DLG2: variants seen among roughly 807,000 people sequenced by gnomAD.
DLG2 encodes discs large MAGUK scaffold protein 2, also known as disks large homolog 2.
A neutral mutation model predicts 132.5 loss-of-function variants in DLG2; 45 were observed. That is an observed-to-expected ratio of 0.34 (90% CI 0.27 to 0.44). DLG2 has a LOEUF of 0.44. Ranked by LOEUF, DLG2 falls within the 20% of genes least tolerant of loss-of-function variation. DLG2 has a pLI of 1.00. For missense variants in DLG2, 1,045 were observed against 1,196.9 expected (o/e 0.87, Z 1.87); for synonymous variants, 424 against 419.6 (o/e 1.01, Z -0.13).
chr11:85,391,022 A>C (rs562106663), intron 3 of DLG2, among the ~76,000 whole-genome samples: 2 of 152,234 alleles, frequency 1.3e-5, no homozygotes, highest in South Asian at 4.1e-4. Context: ...AAGATAAATA[A>C]AATTGATAGA....
Position 84,010,186 on chromosome 11 carries a change from G to A in DLG2, c.920-29544C>T, listed in dbSNP as rs373478426. On this transcript the variant is annotated intron_variant, in intron 11 of 27. Coordinates refer to ENST00000376104, the MANE Select transcript of DLG2 (RefSeq NM_001142699.3). ...GAACTCATATTTAACTGTAACACAC[G>A]TTGCTAAATTTTAGATCTATATAAA... Among the ~76,000 whole-genome samples, 12 of 152,010 alleles carry A rather than the reference G, an allele frequency of 7.9e-5. No individual in the cohort carries two copies. The East Asian group carries it at 1.7e-3, about 22-fold the overall frequency.
At chr11:83,686,376 C>T (rs2079768101) in intron 18 of DLG2, among the ~76,000 whole-genome samples, 1 of 151,582 alleles carries the variant, frequency 6.6e-6, no homozygotes, top group Non-Finnish European at 1.5e-5. Context: ...CTTATCTCTG[C>T]TTAAACATTA....
At chr11:85,283,265 A>G (rs563122142) in intron 4 of DLG2, among the ~76,000 whole-genome samples, 5 of 152,044 alleles carry the variant, frequency 3.3e-5, no homozygotes, top group African/African-American at 1.2e-4. Flanking sequence ...TTAATTAATT[A>G]CTTTTTTAAA....
chr11:84,931,893 T>C (rs1222390109), intron 6 of DLG2, among the ~76,000 whole-genome samples: 1 of 152,224 alleles, frequency 6.6e-6, no homozygotes, highest in Non-Finnish European at 1.5e-5. Flanking sequence ...CTTTTCATGA[T>C]TGCTGGCTGC....
chr11:84,731,317 C>A (rs779115556), intron 6 of DLG2, among the ~76,000 whole-genome samples: 3 of 151,946 alleles, frequency 2.0e-5, no homozygotes, highest in Non-Finnish European at 1.5e-5. Context: ...GTTCGGGATA[C>A]AGTGGTTAAG....
At chr11:83,944,363 C>T (rs1245722441) in intron 14 of DLG2, among the ~76,000 whole-genome samples, 1 of 152,202 alleles carries the variant, frequency 6.6e-6, no homozygotes, top group Non-Finnish European at 1.5e-5. Flanking sequence ...TTTTCTTGTA[C>T]ACTGTTGGCC....
chr11:83,753,968 G>C (rs1253459009), intron 18 of DLG2, among the ~76,000 whole-genome samples: 1 of 145,872 alleles, frequency 6.9e-6, no homozygotes, highest in Non-Finnish European at 1.5e-5. Flanking sequence ...TACATGCCAA[G>C]TGAAATAGAG....
chr11:84,395,761 G>A (rs1393068978), intron 7 of DLG2, among the ~76,000 whole-genome samples: 1 of 152,158 alleles, frequency 6.6e-6, no homozygotes, highest in African/African-American at 2.4e-5. Flanking sequence ...TGTTGTACAT[G>A]ATAAAAGCAT....
intron 7 of DLG2, among the ~76,000 whole-genome samples, chr11:84,440,355 C>G (rs1176120451): frequency 2.0e-5 from 3 of 152,116 alleles, no homozygotes; most frequent in Non-Finnish European, 2.9e-5. Flanking sequence ...ATAGAAAAAT[C>G]CACAAACTGA....
chr11:83,765,808 T>G (rs1482694067), intron 18 of DLG2, among the ~76,000 whole-genome samples: 2 of 152,208 alleles, frequency 1.3e-5, no homozygotes, highest in African/African-American at 4.8e-5. Flanking sequence ...GATAGAAAAC[T>G]GTTGCCTTTG....
chr11:84,500,163 C>T (rs374230152), intron 7 of DLG2, among the ~76,000 whole-genome samples: 6 of 151,896 alleles, frequency 4.0e-5, no homozygotes, highest in East Asian at 1.9e-4. Flanking sequence ...TATGATAGAG[C>T]GAGTTGGAAA....
At chr11:83,587,568 G>A (rs551802119) in intron 19 of DLG2, among the ~76,000 whole-genome samples, 1 of 152,156 alleles carries the variant, frequency 6.6e-6, no homozygotes, top group African/African-American at 2.4e-5. Context: ...CTACTTTTAG[G>A]AGATAGTGAA....
chr11:84,802,265 A>T (rs1185361291), intron 6 of DLG2, among the ~76,000 whole-genome samples: 1 of 152,148 alleles, frequency 6.6e-6, no homozygotes, highest in Non-Finnish European at 1.5e-5. Flanking sequence ...ATGGATAGGA[A>T]ATAGGAATAA....
intron 6 of DLG2, among the ~76,000 whole-genome samples, chr11:84,819,065 T>C (rs371895297): frequency 1.8e-3 from 77 of 42,706 alleles, no homozygotes; most frequent in Non-Finnish European, 5.0e-3. Context: ...CCACACTCCC[T>C]CACTCACAAA....
chr11:85,487,828 C>A (rs1200982452), intron 3 of DLG2, among the ~76,000 whole-genome samples: 1 of 152,132 alleles, frequency 6.6e-6, no homozygotes, highest in Non-Finnish European at 1.5e-5. Context: ...CCCAGGAAAA[C>A]AATGCAAAGA....
At chr11:84,590,985 A>G (rs763523208) in intron 6 of DLG2, among the ~76,000 whole-genome samples, 9 of 152,178 alleles carry the variant, frequency 5.9e-5, no homozygotes, top group Non-Finnish European at 1.2e-4. Flanking sequence ...AAAGACTGCT[A>G]TACTTCCTTA....
intron 17 of DLG2, among the ~76,000 whole-genome samples, chr11:83,826,176 T>A (rs1051558661): frequency 3.9e-5 from 6 of 152,180 alleles, no homozygotes; most frequent in African/African-American, 1.4e-4. Flanking sequence ...GAAGTCTGTA[T>A]GTGATGGGTG....
chr11:85,384,623 C>T (rs1485485848), intron 3 of DLG2, among the ~76,000 whole-genome samples: 1 of 152,176 alleles, frequency 6.6e-6, no homozygotes, highest in Non-Finnish European at 1.5e-5. Flanking sequence ...CGCTGGAGTG[C>T]AGTTGCATGA....
chr11:85,527,342 C>G (rs925025004), intron 3 of DLG2, among the ~76,000 whole-genome samples: 2 of 151,976 alleles, frequency 1.3e-5, no homozygotes, highest in African/African-American at 4.8e-5. Flanking sequence ...GCTCTCTCTC[C>G]CCTTGCGCCC....
Sources: gnomAD v4.1 joint callset for allele counts (sites outside exome capture counted in the v4.1 genomes callset) on GRCh38, gnomAD v4.1.1 for gene constraint, MANE v1.5 for transcripts, NCBI Gene and HGNC (gene_info 2026-07-23, HGNC 2026-07-21) for gene names.